NAV2: variants seen among roughly 807,000 people sequenced by gnomAD.
NAV2 encodes the protein helicase, APC down-regulated 1.
In NAV2, 54 loss-of-function variants were observed where a neutral mutation model predicts 223.2. The ratio of observed to expected loss-of-function variants is 0.24; its 90% CI spans 0.19 to 0.30. The LOEUF is 0.30. Among genes scored for constraint, NAV2 ranks in the 10% least tolerant of loss-of-function variants. The pLI is 1.00. For missense variants in NAV2, 2,806 were observed against 3,147.5 expected (o/e 0.89, Z 2.60); for synonymous variants, 1,279 against 1,239.3 (o/e 1.03, Z -0.67).
Position 19,892,548 on chromosome 11 carries a change from C to T in NAV2, c.885C>T (p.Ser295=). ...RSQSFNNYDK[S]KPVTSPPPPP... ...AGAGCTTTAACAACTATGATAAATC[C>T]AAACCAGTCACCTCCCCACCCCCAC... Residue 295 remains serine, a synonymous_variant, in exon 6 of 38, where the codon TCC becomes TCT. Coordinates refer to ENST00000349880, the MANE Select transcript of NAV2 (RefSeq NM_145117.5). 6.2e-7 allele frequency: 1 copy of T among 1,614,082 alleles called. No individual in the cohort carries two copies. Among genetic ancestry groups the T allele is most frequent in the Non-Finnish European group, 8.5e-7 (1 of 1,180,000 alleles).
In NAV2 at chr11:19,705,088, GAAATAAATAAATAAAT is replaced by G. The variant is rs10646001; in HGVS notation, c.76-127377_76-127362del. The stretch of plus-strand genomic sequence containing the variant: ...TGAATTAACTAGACCTCAATTCGTA[GAAATAAATAAATAAAT>G]AAATAAATAAATAAATAAGTCTTCT... On this transcript the variant is annotated intron_variant, in intron 1 of 37. Coordinates refer to the NAV2 transcript ENST00000360655. Among the ~76,000 whole-genome samples, 1,309 of 147,858 alleles carry G rather than the reference GAAATAAATAAATAAAT, an allele frequency of 8.9e-3. 10 individuals carry two copies. Among genetic ancestry groups the G allele is most frequent in the African/African-American group, 0.031 (1,257 of 40,032 alleles).
intron 10 of NAV2, among the ~76,000 whole-genome samples, chr11:19,966,165 C>T (rs772234339): frequency 6.6e-5 from 10 of 152,148 alleles, no homozygotes; most frequent in Non-Finnish European, 1.3e-4. Flanking sequence ...CCTCCAGATT[C>T]GAGAGGAAGG....
intron 6 of NAV2, among the ~76,000 whole-genome samples, chr11:19,894,838 C>G (rs1234832551): frequency 6.6e-6 from 1 of 152,208 alleles, no homozygotes; most frequent in Non-Finnish European, 1.5e-5. Context: ...TCAAGCGATT[C>G]TCCTGCCTCA....
rs552255876 is a variant in NAV2 at position 19,993,705 on chromosome 11, TGGA to T, written c.2768+9460_2768+9462del. On this transcript the variant is annotated intron_variant, in intron 11 of 37. Coordinates refer to ENST00000349880, the MANE Select transcript of NAV2 (RefSeq NM_145117.5). ...CATGGCCTCTGGTAGCTCCTCTGGGTGGAGAAGAGTGAGCAGGTAAAATTGTCT... is the reference window on the plus strand; with the variant it reads ...CATGGCCTCTGGTAGCTCCTCTGGGTGAAGAGTGAGCAGGTAAAATTGTCT... Among the ~76,000 whole-genome samples, 170 of 152,314 alleles carry T rather than the reference TGGA, an allele frequency of 1.1e-3. 1 individual carries two copies. The highest frequency in any genetic ancestry group is 3.9e-3 in the African/African-American group (162 of 41,574).
At chr11:19,799,921 A>T (rs1036357200) in intron 1 of NAV2, among the ~76,000 whole-genome samples, 2 of 152,156 alleles carry the variant, frequency 1.3e-5, no homozygotes, top group African/African-American at 4.8e-5. Flanking sequence ...GGAGGCTGGA[A>T]TATGCTCCTT....
chr11:20,071,202 AAC>A (rs2059388606), intron 22 of NAV2, among the ~76,000 whole-genome samples: 2 of 148,974 alleles, frequency 1.3e-5, no homozygotes, highest in African/African-American at 4.9e-5. Context: ...TATGAATGAG[AAC>A]ATCCAGTGTT....
At position 20,110,309 on chromosome 11, in the gene NAV2, T is replaced by C. The variant is rs372883962; in HGVS notation, c.6960+2527T>C. Among the ~76,000 whole-genome samples the C allele has an allele frequency of 8.5e-5, 13 of 152,354 alleles. No individual in the cohort carries two copies. In the East Asian group the frequency reaches 2.1e-3, roughly 25 times the overall value. On this transcript the variant is annotated intron_variant, in intron 36 of 37. Transcript: ENST00000349880. ...CCCCAAACTTGTGACCTCGCCATCC[T>C]GATCAGCCCAGGAGACTGTATAGAC...
intron 10 of NAV2, among the ~76,000 whole-genome samples, chr11:19,970,368 C>T (rs1013573795): frequency 6.6e-6 from 1 of 152,168 alleles, no homozygotes; most frequent in African/African-American, 2.4e-5. Flanking sequence ...GGGGTTTCAC[C>T]ATGTTGGCCA....
chr11:19,350,423 C>T (rs1383310376), upstream of NAV2, among the ~76,000 whole-genome samples: 5 of 152,214 alleles, frequency 3.3e-5, no homozygotes, highest in South Asian at 2.1e-4. Context: ...GGGGAGCCAC[C>T]GCTGTGATGA....
intron 1 of NAV2, among the ~76,000 whole-genome samples, chr11:19,570,401 G>C (rs993427610): frequency 2.0e-5 from 3 of 152,152 alleles, no homozygotes; most frequent in Non-Finnish European, 4.4e-5. Context: ...ATTTGGCAAT[G>C]GATTGTTAGA....
intron 1 of NAV2, among the ~76,000 whole-genome samples, chr11:19,527,661 C>G (rs1237077588): frequency 6.6e-6 from 1 of 151,246 alleles, no homozygotes; most frequent in Non-Finnish European, 1.5e-5. Context: ...ATCCAGCACT[C>G]TCTTGAATTT....
chr11:20,103,192 C>T lies in NAV2; in HGVS notation c.6418-63C>T, dbSNP rs113400765. The T allele has an allele frequency of 5.5e-5, 83 of 1,517,428 alleles. No individual in the cohort carries two copies. In the Middle Eastern group the frequency reaches 2.9e-3, roughly 52 times the overall value. 94.0% of individuals were successfully genotyped at this position (1,517,428 alleles called of 1,614,324 possible). A position where few individuals can be genotyped will look rare whatever the true frequency, so the allele number is the denominator to read the frequency against. On this transcript the variant is annotated intron_variant, in intron 32 of 37. Transcript: ENST00000349880. ...GCCTGGGTGAGGCAAAGGCCCTGAG[C>T]GGTGTGTCTTCACTGAGTGCATTCA...
chr11:19,947,761 T>G (rs1460767504), intron 9 of NAV2, among the ~76,000 whole-genome samples: 3 of 152,230 alleles, frequency 2.0e-5, no homozygotes, highest in Non-Finnish European at 4.4e-5. Context: ...CCATGTAACT[T>G]GATTGAAGAG....
intron 1 of NAV2, among the ~76,000 whole-genome samples, chr11:19,562,583 G>A (rs963046674): frequency 6.6e-6 from 1 of 152,074 alleles, no homozygotes; most frequent in African/African-American, 2.4e-5. Flanking sequence ...TGTTTGATTA[G>A]GGATTAGACC....
At chr11:20,106,619 C>T (rs1035620884) in intron 35 of NAV2, among the ~76,000 whole-genome samples, 2 of 146,394 alleles carry the variant, frequency 1.4e-5, no homozygotes, top group African/African-American at 5.1e-5. Context: ...TTTGTTGCTA[C>T]TCAGTTGTTG....
Position 19,729,044 on chromosome 11 carries a change from G to A in NAV2, c.267+15082G>A, listed in dbSNP as rs1050716941. On this transcript the variant is annotated intron_variant, in intron 1 of 37. Transcript: ENST00000349880. ...TAAGTGTGCAGAATCATGGGCCAGAGCATCAGAGAGTCTGATTTTGCAGAT... is the reference window on the plus strand; with the variant it reads ...TAAGTGTGCAGAATCATGGGCCAGAACATCAGAGAGTCTGATTTTGCAGAT... Among the ~76,000 whole-genome samples, 5 of 152,240 alleles carry A rather than the reference G, an allele frequency of 3.3e-5. No individual in the cohort carries two copies. The East Asian group carries it at 9.7e-4, about 29-fold the overall frequency.
At chr11:19,448,481 T>C (rs1431236663) in intron 1 of NAV2, among the ~76,000 whole-genome samples, 1 of 152,218 alleles carries the variant, frequency 6.6e-6, no homozygotes, top group Non-Finnish European at 1.5e-5. Flanking sequence ...GAAATGCAGA[T>C]GGCCAGGACA....
chr11:19,349,978 C>A (rs570953898), upstream of NAV2, among the ~76,000 whole-genome samples: 1 of 152,234 alleles, frequency 6.6e-6, no homozygotes, highest in South Asian at 2.1e-4. Flanking sequence ...GGTGTCTCGC[C>A]TGCCATACAC....
intron 11 of NAV2, among the ~76,000 whole-genome samples, chr11:19,990,039 A>G (rs2051173178): frequency 1.3e-5 from 2 of 152,228 alleles, no homozygotes; most frequent in South Asian, 2.1e-4. Flanking sequence ...AATGATTCAC[A>G]TTAAGAGGAA....
Sources: allele counts gnomAD v4.1 joint callset (sites outside exome capture counted in the v4.1 genomes callset), GRCh38; gene constraint gnomAD v4.1.1; transcripts MANE v1.5; gene names NCBI Gene and HGNC (gene_info 2026-07-23, HGNC 2026-07-21).